The following ICA1L variants were observed in gnomAD, a reference collection of about 807,000 sequenced individuals.
ICA1L encodes islet cell autoantigen 1-like protein.
A neutral mutation model predicts 61.3 loss-of-function variants in ICA1L; 50 were observed. That is an observed-to-expected ratio of 0.82 (90% CI 0.65 to 1.03). The LOEUF is 1.03. ICA1L is among the 50% of genes least tolerant of loss of function. The pLI is 0.00. For synonymous variants in ICA1L, 161 were observed against 191.3 expected, an observed-to-expected ratio of 0.84 and a Z score of 1.31; for missense variants, 508 against 556.7, an observed-to-expected ratio of 0.91 and a Z score of 0.88.
At position 202,819,833 on chromosome 2, in the gene ICA1L, T is replaced by C; in HGVS notation, c.426A>G (p.Val142=). ...GATTAATTGTCATCAAGGTATCAGATACTGCCCTTTGACTGAATGTTGCTA... is the reference window on the plus strand; with the variant it reads ...GATTAATTGTCATCAAGGTATCAGACACTGCCCTTTGACTGAATGTTGCTA... ...QEVATFSQRA[V]SDTLMTINRM... The change falls in exon 5 of 13, where the codon GTA becomes GTG. Residue 142 remains valine, a synonymous_variant. Transcript: ENST00000358299. 6.2e-7 allele frequency: 1 copy of C among 1,614,182 alleles called. No homozygotes were observed. Among genetic ancestry groups the C allele is most frequent in the Non-Finnish European group, 8.5e-7 (1 of 1,180,012 alleles).
At chr2:202,846,348 C>T (rs1034911866) in intron 1 of ICA1L, among the ~76,000 whole-genome samples, 3 of 151,790 alleles carry the variant, frequency 2.0e-5, no homozygotes, top group South Asian at 2.1e-4. Flanking sequence ...GTGATCCACA[C>T]GTGCATGCCA....
In ICA1L at chr2:202,854,388, A is replaced by C. The variant is rs754688669; in HGVS notation, c.-8+17231T>G. Among the ~76,000 whole-genome samples the C allele has an allele frequency of 1.3e-5, 2 of 152,366 alleles. 1 individual carries two copies. The highest frequency in any genetic ancestry group is 6.8e-3 in the Middle Eastern group (2 of 294). On this transcript the variant is annotated intron_variant, in intron 1 of 12. Coordinates refer to ENST00000358299, the MANE Select transcript of ICA1L (RefSeq NM_001288622.3). ...CCAATACAGGAGCACCCAGATTCAT[A>C]AAACAAGTTCTTAGAGACCTACAAA...
intron 1 of ICA1L, among the ~76,000 whole-genome samples, chr2:202,852,702 C>T (rs568211091): frequency 1.4e-5 from 2 of 147,384 alleles, no homozygotes; most frequent in Admixed American, 1.3e-4. Flanking sequence ...AAAAAGTGTA[C>T]CTATTTCTCC....
intron 10 of ICA1L, among the ~76,000 whole-genome samples, chr2:202,794,084 A>AG: frequency 6.6e-6 from 1 of 152,146 alleles, no homozygotes; most frequent in East Asian, 1.9e-4. Context: ...CAAACATGAT[A>AG]TAGTATCAGG....
intron 1 of ICA1L, chr2:202,840,872 T>C (rs549482616): frequency 1.1e-5 from 7 of 651,548 alleles, no homozygotes; most frequent in South Asian, 7.4e-5. Flanking sequence ...TCTCAGTCTT[T>C]GCATGCCGCA....
chr2:202,850,797 A>G (rs1395536832), intron 1 of ICA1L, among the ~76,000 whole-genome samples: 1 of 152,074 alleles, frequency 6.6e-6, no homozygotes, highest in Non-Finnish European at 1.5e-5. Flanking sequence ...AACACCACTT[A>G]AGATACTCCT....
At chr2:202,867,547 T>G (rs7562414) in intron 1 of ICA1L, among the ~76,000 whole-genome samples, 1 of 152,148 alleles carries the variant, frequency 6.6e-6, no homozygotes, top group South Asian at 2.1e-4. Flanking sequence ...TGACTATTAT[T>G]ATATCTGTGG....
At chr2:202,855,674 T>C (rs1173290962) in intron 1 of ICA1L, among the ~76,000 whole-genome samples, 1 of 152,026 alleles carries the variant, frequency 6.6e-6, no homozygotes, top group East Asian at 1.9e-4. Flanking sequence ...CAGTAATTAA[T>C]AGCCTACCAA....
In ICA1L at chr2:202,774,143, T is replaced by G; in HGVS notation, c.*5390A>C. The G allele has an allele frequency of 6.8e-7, 1 of 1,475,752 alleles. No homozygotes were observed. Among genetic ancestry groups the G allele is most frequent in the South Asian group, 1.2e-5 (1 of 82,328 alleles). 91.4% of individuals were successfully genotyped at this position (1,475,752 alleles called of 1,614,324 possible). On this transcript the variant is annotated 3_prime_UTR_variant, in exon 13 of 13. Coordinates refer to ENST00000358299, the MANE Select transcript of ICA1L (RefSeq NM_001288622.3). ...TCTCAACTCTTCATTAATCAATTCA[T>G]TTGTTGATGCTTCATATCTGAGCGG... is the stretch of plus-strand genomic sequence containing the variant.
chr2:202,786,979 C>T (rs1400438454), intron 11 of ICA1L, among the ~76,000 whole-genome samples: 1 of 152,200 alleles, frequency 6.6e-6, no homozygotes, highest in East Asian at 1.9e-4. Context: ...CTAATCCCTT[C>T]CTTGTATAGA....
At chr2:202,832,752 C>T (rs189115298) in intron 1 of ICA1L, among the ~76,000 whole-genome samples, 32 of 152,168 alleles carry the variant, frequency 2.1e-4, no homozygotes, top group African/African-American at 7.5e-4. Context: ...GCACTCCTGC[C>T]TGGGTGACAG....
chr2:202,828,052 G>T (rs1365896794), intron 2 of ICA1L, among the ~76,000 whole-genome samples: 1 of 152,056 alleles, frequency 6.6e-6, no homozygotes, highest in Non-Finnish European at 1.5e-5. Flanking sequence ...CTTACCTGAG[G>T]TCAGGAGTTC....
chr2:202,864,490 C>G (rs1286061263), intron 1 of ICA1L, among the ~76,000 whole-genome samples: 4 of 152,026 alleles, frequency 2.6e-5, no homozygotes, highest in African/African-American at 9.7e-5. Context: ...GCCTCGGCCT[C>G]CCAAAGTGCT....
rs1011993696 is a variant in ICA1L, at chr2:202,844,247, A to T, written c.-7-15231T>A. ...AAAAATTAGCCATACATTGTGGCATATGCCTGTAGTCCCAGCTACCTGGGA... is the reference window on the plus strand; with the variant it reads ...AAAAATTAGCCATACATTGTGGCATTTGCCTGTAGTCCCAGCTACCTGGGA... On this transcript the variant is annotated intron_variant, in intron 1 of 12. Coordinates refer to ENST00000358299, the MANE Select transcript of ICA1L (RefSeq NM_001288622.3). The T allele has an allele frequency of 2.0e-5, 3 of 152,296 alleles. No homozygotes were observed. The South Asian group carries it at 6.2e-4, about 32-fold the overall frequency. 9.4% of individuals were successfully genotyped at this position (152,296 alleles called of 1,614,324 possible).
chr2:202,803,121 G>A (rs983042422), intron 9 of ICA1L, among the ~76,000 whole-genome samples: 1 of 152,092 alleles, frequency 6.6e-6, no homozygotes, highest in African/African-American at 2.4e-5. Flanking sequence ...TAAGGACATG[G>A]TGAGGGCTAG....
At chr2:202,779,909 C>A (rs1048599793) in intron 12 of ICA1L, among the ~76,000 whole-genome samples, 5 of 149,614 alleles carry the variant, frequency 3.3e-5, no homozygotes, top group African/African-American at 9.9e-5. Flanking sequence ...CCTCCGAGAA[C>A]ACTAGGATTA....
chr2:202,785,099 G>T (rs1692537925), intron 12 of ICA1L, among the ~76,000 whole-genome samples: 2 of 151,630 alleles, frequency 1.3e-5, no homozygotes, highest in Non-Finnish European at 2.9e-5. Flanking sequence ...TGTGCCTATA[G>T]TACCAGCTAT....
Position 202,788,961 on chromosome 2 carries a change from G to A in ICA1L, c.1112C>T (p.Ala371Val), listed in dbSNP as rs762742408. ...TSEFTQECQT[A>V]FGSPSASLTS... ...GAGACTGGCACTGGGGCTCCCAAAG[G>A]CAGTCTGGCATTCTTGGGTAAATTC... The change falls in exon 11 of 13, where the codon GCC becomes GTC. Residue 371 changes from alanine to valine, a missense_variant. Coordinates refer to ENST00000358299, the MANE Select transcript of ICA1L (RefSeq NM_001288622.3). 6.2e-7 allele frequency: 1 copy of A among 1,614,124 alleles called. No homozygotes were observed. Among genetic ancestry groups the A allele is most frequent in the Admixed American group, 1.7e-5 (1 of 60,006 alleles).
At chr2:202,861,659 G>A (rs1694917998) in intron 1 of ICA1L, among the ~76,000 whole-genome samples, 1 of 151,460 alleles carries the variant, frequency 6.6e-6, no homozygotes, top group African/African-American at 2.4e-5. Context: ...GGCTGAGGCG[G>A]GCGGATCACT....
Sources: gnomAD v4.1 joint callset for allele counts (sites outside exome capture counted in the v4.1 genomes callset) on GRCh38, gnomAD v4.1.1 for gene constraint, MANE v1.5 for transcripts, NCBI Gene and HGNC (gene_info 2026-07-23, HGNC 2026-07-21) for gene names.